GNA12: variants seen among roughly 807,000 people sequenced by gnomAD.
GNA12 encodes G protein subunit alpha 12.
A neutral mutation model predicts 26.0 loss-of-function variants in GNA12; 9 were observed. That is an observed-to-expected ratio of 0.35 (90% CI 0.21 to 0.60). The LOEUF (loss-of-function observed/expected upper bound fraction) is 0.60, where lower values mean the gene tolerates loss of function less well. Ranked by LOEUF, GNA12 falls within the 20% of genes least tolerant of loss-of-function variation. GNA12 has a pLI of 0.78. For synonymous variants in GNA12, 264 were observed against 219.6 expected, an observed-to-expected ratio of 1.20 and a Z score of -1.79; for missense variants, 405 against 525.8, an observed-to-expected ratio of 0.77 and a Z score of 2.25.
intron 2 of GNA12, among the ~76,000 whole-genome samples, chr7:2,746,468 A>G: frequency 6.6e-6 from 1 of 152,250 alleles, no homozygotes; most frequent in Admixed American, 6.5e-5. Flanking sequence ...CTTTGAAACC[A>G]ACGAGAACAA....
At chr7:2,787,303 T>C (rs1251631944) in intron 2 of GNA12, among the ~76,000 whole-genome samples, 1 of 152,142 alleles carries the variant, frequency 6.6e-6, no homozygotes, top group Non-Finnish European at 1.5e-5. Flanking sequence ...ATTATCAACA[T>C]GGCTACCAAC....
intron 1 of GNA12, among the ~76,000 whole-genome samples, chr7:2,796,679 G>T (rs1792686190): frequency 1.3e-5 from 2 of 152,178 alleles, no homozygotes; most frequent in Non-Finnish European, 1.5e-5. Flanking sequence ...TTTGTGATGA[G>T]AAACTACTTT....
intron 2 of GNA12, among the ~76,000 whole-genome samples, chr7:2,775,897 C>A (rs73049345): frequency 0.12 from 17,704 of 152,258 alleles, 1,164 homozygotes; most frequent in Middle Eastern, 0.18. Flanking sequence ...CAGACCCGTA[C>A]TGTGGAAAAG....
chr7:2,745,224 C>A (rs1251948003), intron 2 of GNA12, among the ~76,000 whole-genome samples: 1 of 152,204 alleles, frequency 6.6e-6, no homozygotes, highest in East Asian at 1.9e-4. Flanking sequence ...TTGTCAGATT[C>A]ACCAAAGTTG....
At chr7:2,788,265 C>T (rs923833306) in intron 2 of GNA12, among the ~76,000 whole-genome samples, 1 of 152,224 alleles carries the variant, frequency 6.6e-6, no homozygotes, top group African/African-American at 2.4e-5. Flanking sequence ...ACAGCTCCTC[C>T]CCGGGACAGT....
At chr7:2,799,838 G>A (rs1336752117) in intron 1 of GNA12, among the ~76,000 whole-genome samples, 1 of 152,118 alleles carries the variant, frequency 6.6e-6, no homozygotes, top group East Asian at 1.9e-4. Context: ...TGTTAAAGCA[G>A]CTAAAAAACC....
At chr7:2,822,131 A>T (rs781763615) in intron 1 of GNA12, among the ~76,000 whole-genome samples, 1 of 152,250 alleles carries the variant, frequency 6.6e-6, no homozygotes, top group Non-Finnish European at 1.5e-5. Flanking sequence ...GAATGTGCTT[A>T]GCCTTCCCAT....
At chr7:2,839,463 A>C (rs1778928180) in intron 1 of GNA12, among the ~76,000 whole-genome samples, 1 of 152,162 alleles carries the variant, frequency 6.6e-6, no homozygotes, top group African/African-American at 2.4e-5. Context: ...TGTGCACTGC[A>C]ACCTATGCCT....
intron 2 of GNA12, among the ~76,000 whole-genome samples, chr7:2,768,046 G>C (rs1056352451): frequency 6.6e-6 from 1 of 152,054 alleles, no homozygotes; most frequent in African/African-American, 2.4e-5. Flanking sequence ...GTAGAGACAG[G>C]GTTTCACCAT....
rs1041056812 is a variant in GNA12 at position 2,737,274 on chromosome 7, GTTTTTT to G, written c.526-3779_526-3774del. 2.6e-4 allele frequency among the ~76,000 whole-genome samples: 9 copies of G among 35,032 alleles called. No homozygotes were observed. In the Admixed American group the frequency reaches 2.9e-3, roughly 11 times the overall value. The allele number at this position is 35,032 out of a possible 152,430, so 23.0% of individuals were successfully genotyped here. On this transcript the variant is annotated intron_variant, in intron 2 of 3. Coordinates refer to ENST00000275364, the MANE Select transcript of GNA12 (RefSeq NM_007353.3). Reference sequence around the variant, plus strand: ...AGGAGCTATCTCACAGTTTTGTTTTGTTTTTTTTTTTTTTGTTTTTTTTTTTTTTTT... The same window carrying G: ...AGGAGCTATCTCACAGTTTTGTTTTGTTTTTTTTGTTTTTTTTTTTTTTTT...
intron 1 of GNA12, among the ~76,000 whole-genome samples, chr7:2,806,689 T>C (rs1235090281): frequency 1.3e-5 from 2 of 152,204 alleles, no homozygotes; most frequent in East Asian, 1.9e-4. Flanking sequence ...TTTCTAGCGA[T>C]GTATCGTAAA....
chr7:2,761,116 T>C (rs1446173666), intron 2 of GNA12, among the ~76,000 whole-genome samples: 1 of 152,226 alleles, frequency 6.6e-6, no homozygotes, highest in Admixed American at 6.5e-5. Context: ...GGCTCTCGGC[T>C]GTGGGGCTCC....
At chr7:2,787,270 G>A (rs1010982787) in intron 2 of GNA12, among the ~76,000 whole-genome samples, 3 of 152,156 alleles carry the variant, frequency 2.0e-5, no homozygotes, top group African/African-American at 7.2e-5. Flanking sequence ...TACTTCAAGA[G>A]CCTCCATGGG....
intron 2 of GNA12, among the ~76,000 whole-genome samples, chr7:2,793,518 A>G (rs1792573387): frequency 6.6e-6 from 1 of 152,216 alleles, no homozygotes; most frequent in African/African-American, 2.4e-5. Context: ...GGGGACTATT[A>G]GCAGACTATA....
At chr7:2,787,178 G>A (rs938787541) in intron 2 of GNA12, among the ~76,000 whole-genome samples, 2 of 152,170 alleles carry the variant, frequency 1.3e-5, no homozygotes, top group African/African-American at 2.4e-5. Context: ...AGCAATAGGC[G>A]AGGTGGCCTG....
At chr7:2,813,907 G>C (rs942203242) in intron 1 of GNA12, among the ~76,000 whole-genome samples, 5 of 152,162 alleles carry the variant, frequency 3.3e-5, no homozygotes, top group Admixed American at 6.5e-5. Flanking sequence ...GGTTCAGGAA[G>C]GTGGACTGCC....
intron 2 of GNA12, among the ~76,000 whole-genome samples, chr7:2,739,263 T>TACAGCCTATCAGCCGCCACTCCC (rs1790375639): frequency 6.6e-6 from 1 of 152,230 alleles, no homozygotes; most frequent in African/African-American, 2.4e-5. Context: ...CCACCACTTC[T>TACAGCCTATCAGCCGCCACTCCC]ACAGCCTATC....
chr7:2,826,751 G>C (rs1793493514), intron 1 of GNA12, among the ~76,000 whole-genome samples: 1 of 152,232 alleles, frequency 6.6e-6, no homozygotes, highest in Non-Finnish European at 1.5e-5. Flanking sequence ...GATGGAGACA[G>C]TAAACGCTCA....
At chr7:2,744,682 G>A (rs190576802) in intron 2 of GNA12, among the ~76,000 whole-genome samples, 202 of 152,318 alleles carry the variant, frequency 1.3e-3, no homozygotes, top group Admixed American at 5.2e-3. Context: ...TGACTTTGAC[G>A]AGTTGAGAAA....
Sources: gnomAD v4.1 joint callset for allele counts (sites outside exome capture counted in the v4.1 genomes callset) on GRCh38, gnomAD v4.1.1 for gene constraint, MANE v1.5 for transcripts, NCBI Gene and HGNC (gene_info 2026-07-23, HGNC 2026-07-21) for gene names.